The following CAB39L variants were observed in gnomAD, a reference collection of about 807,000 sequenced individuals.
CAB39L encodes the protein calcium-binding protein 39-like.
Under a neutral mutation model 39.1 loss-of-function variants are expected in CAB39L, and 23 were observed. That is an observed-to-expected ratio of 0.59 (90% CI 0.42 to 0.83). The LOEUF is 0.83. CAB39L is among the 40% of genes least tolerant of loss of function. The probability of loss-of-function intolerance (pLI) is 0.00; values close to 1 mark genes in which losing one functional copy is unlikely to be tolerated. For missense variants in CAB39L, 366 were observed against 391.9 expected, an observed-to-expected ratio of 0.93 and a Z score of 0.56; for synonymous variants, 126 against 137.2, an observed-to-expected ratio of 0.92 and a Z score of 0.57.
intron 3 of CAB39L, among the ~76,000 whole-genome samples, chr13:49,388,116 G>C (rs1956406749): frequency 6.6e-6 from 1 of 152,270 alleles, no homozygotes; most frequent in African/African-American, 2.4e-5. Context: ...TATAGAGTGT[G>C]TATGGATACA....
chr13:49,336,281 AG>A (rs1170697782), intron 9 of CAB39L, among the ~76,000 whole-genome samples: 1 of 152,160 alleles, frequency 6.6e-6, no homozygotes, highest in Non-Finnish European at 1.5e-5. Flanking sequence ...AAAAAAAACC[AG>A]CTCTCCAGTA....
intron 5 of CAB39L, among the ~76,000 whole-genome samples, chr13:49,364,372 C>CA (rs1566091785): frequency 6.6e-6 from 1 of 151,488 alleles, no homozygotes; most frequent in Non-Finnish European, 1.5e-5. Flanking sequence ...ACAACAGTAG[C>CA]AGATCTTAGA....
chr13:49,358,298 C>T (rs1259759073), intron 6 of CAB39L, among the ~76,000 whole-genome samples: 4 of 152,040 alleles, frequency 2.6e-5, no homozygotes, highest in Non-Finnish European at 4.4e-5. Context: ...ACTGTGCAAT[C>T]ATAATAATCT....
chr13:49,438,152 A>G (rs1957446049), intron 1 of CAB39L, among the ~76,000 whole-genome samples: 1 of 152,030 alleles, frequency 6.6e-6, no homozygotes, highest in Non-Finnish European at 1.5e-5. Context: ...TATTTTTATT[A>G]GTGTTCTATC....
At chr13:49,348,512 G>A (rs552350769) in intron 7 of CAB39L, among the ~76,000 whole-genome samples, 1 of 152,248 alleles carries the variant, frequency 6.6e-6, no homozygotes, top group African/African-American at 2.4e-5. Flanking sequence ...AGGCTGCAAT[G>A]AGCTGAGATT....
At position 49,364,435 on chromosome 13, in the gene CAB39L, TAGCC is replaced by T. The variant is rs1161991037; in HGVS notation, c.277-4607_277-4604del. Among the ~76,000 whole-genome samples, 71 of 152,302 alleles carry T rather than the reference TAGCC, an allele frequency of 4.7e-4. 1 individual carries two copies. The highest frequency in any genetic ancestry group is 1.6e-3 in the African/African-American group (66 of 41,564). On this transcript the variant is annotated intron_variant, in intron 5 of 10. Coordinates refer to ENST00000409308, the MANE Select transcript of CAB39L (RefSeq NM_001079670.3). Reference sequence around the variant, plus strand: ...TTATTCAACATAATATTGGAAGTCTTAGCCAGAGCAATCAAACAAGAGAATGAAA... The same window carrying T: ...TTATTCAACATAATATTGGAAGTCTTAGAGCAATCAAACAAGAGAATGAAA...
intron 3 of CAB39L, among the ~76,000 whole-genome samples, chr13:49,428,484 G>A (rs1957274431): frequency 6.6e-6 from 1 of 152,144 alleles, no homozygotes; most frequent in South Asian, 2.1e-4. Flanking sequence ...GGCACAGTAT[G>A]GAAGAAGAAT....
chr13:49,337,265 G>GA (rs777037383), intron 9 of CAB39L, among the ~76,000 whole-genome samples: 2 of 152,080 alleles, frequency 1.3e-5, no homozygotes, highest in East Asian at 3.8e-4. Flanking sequence ...CCCAAACCTA[G>GA]AAAAAATAGG....
intron 9 of CAB39L, 91 bp from the exon 10 acceptor site, chr13:49,332,181 ATG>A: frequency 7.0e-7 from 1 of 1,424,168 alleles, no homozygotes; most frequent in Non-Finnish European, 9.6e-7. Flanking sequence ...CAAAATATAA[ATG>A]TGAGTAAGAA....
intron 10 of CAB39L, among the ~76,000 whole-genome samples, chr13:49,329,543 AAATATAT>A (rs1265748789): frequency 8.4e-4 from 28 of 33,412 alleles, no homozygotes; most frequent in South Asian, 1.2e-3. Flanking sequence ...TTAAAAAAAA[AAATATAT>A]ATATATATAT....
chr13:49,359,924 A>G lies in CAB39L; in HGVS notation c.277-92T>C, dbSNP rs1593984103. Reference sequence around the variant, plus strand: ...TATATACATATATATATACACACAGACAGAAATGGTACCATCCTTTCTAAT... The same window carrying G: ...TATATACATATATATATACACACAGGCAGAAATGGTACCATCCTTTCTAAT... On this transcript the variant is annotated intron_variant, in intron 5 of 10. Coordinates refer to ENST00000409308, the MANE Select transcript of CAB39L (RefSeq NM_001079670.3). 1.7e-5 allele frequency: 11 copies of G among 660,220 alleles called. No individual in the cohort carries two copies. The East Asian group carries it at 3.2e-4, about 19-fold the overall frequency. The allele number at this position is 660,220 out of a possible 1,614,324, so 40.9% of individuals were successfully genotyped here.
intron 1 of CAB39L, among the ~76,000 whole-genome samples, chr13:49,443,479 G>A (rs143487152): frequency 2.0e-5 from 3 of 152,192 alleles, no homozygotes; most frequent in Non-Finnish European, 4.4e-5. Flanking sequence ...TTTAGCAGCC[G>A]CTCCCTCGAA....
At chr13:49,387,762 C>CAA (rs61399188) in intron 3 of CAB39L, among the ~76,000 whole-genome samples, 15 of 151,354 alleles carry the variant, frequency 9.9e-5, no homozygotes, top group African/African-American at 3.4e-4. Context: ...CTCTTTTAGA[C>CAA]AAAAAAAAGA....
intron 7 of CAB39L, among the ~76,000 whole-genome samples, chr13:49,350,149 C>T (rs1187810937): frequency 6.6e-6 from 1 of 152,060 alleles, no homozygotes; most frequent in Non-Finnish European, 1.5e-5. Flanking sequence ...TATATTGCAT[C>T]CTACGATTTC....
At chr13:49,332,197 T>C in intron 9 of CAB39L, 107 bp from the exon 10 acceptor site, 1 of 1,348,482 alleles carries the variant, frequency 7.4e-7, no homozygotes, top group South Asian at 1.4e-5. Flanking sequence ...GTAAGAATGG[T>C]GTTGTGAAAA....
At position 49,377,371 on chromosome 13, in the gene CAB39L, T is replaced by C. The variant is rs1367900523; in HGVS notation, c.112-240A>G. ...AGCCTGGCTCTAAGAGCCGGGGCTA[T>C]ACAAGAAACTTTTTCGGCTCTCCCT... is the stretch of plus-strand genomic sequence containing the variant. On this transcript the variant is annotated intron_variant, in intron 4 of 10. Coordinates refer to ENST00000409308, the MANE Select transcript of CAB39L (RefSeq NM_001079670.3). 4.1e-5 allele frequency among the ~76,000 whole-genome samples: 2 copies of C among 49,338 alleles called. 1 individual carries two copies. The highest frequency in any genetic ancestry group is 3.2e-4 in the Admixed American group (2 of 6,322). The allele number at this position is 49,338 out of a possible 152,430, so 32.4% of individuals were successfully genotyped here. A position where few individuals can be genotyped will look rare whatever the true frequency, so the allele number is the denominator to read the frequency against.
chr13:49,365,720 T>C (rs1955752487), intron 5 of CAB39L, among the ~76,000 whole-genome samples: 1 of 152,220 alleles, frequency 6.6e-6, no homozygotes, highest in African/African-American at 2.4e-5. Flanking sequence ...GTACAACTAC[T>C]ATGGAGAATA....
chr13:49,379,742 G>T (rs1332984552), intron 4 of CAB39L, among the ~76,000 whole-genome samples: 1 of 148,908 alleles, frequency 6.7e-6, no homozygotes, highest in East Asian at 2.0e-4. Context: ...AAAACAGTAA[G>T]CACTGCCTTT....
chr13:49,377,228 G>A (rs1956094462), intron 4 of CAB39L, 97 bp from the exon 5 acceptor site: 1 of 967,952 alleles, frequency 1.0e-6, no homozygotes, highest in African/African-American at 1.7e-5. Context: ...CTTGGTCTTG[G>A]GCTCTGTTTA....
Sources: gnomAD v4.1 joint callset for allele counts (sites outside exome capture counted in the v4.1 genomes callset) on GRCh38, gnomAD v4.1.1 for gene constraint, MANE v1.5 for transcripts, NCBI Gene and HGNC (gene_info 2026-07-23, HGNC 2026-07-21) for gene names.